MB: variants seen among roughly 807,000 people sequenced by gnomAD.
MB encodes nitrite reductase MB.
In MB, 10 loss-of-function variants were observed where a neutral mutation model predicts 14.5. The ratio of observed to expected loss-of-function variants is 0.69; its 90% confidence interval spans 0.43 to 1.17. The LOEUF is 1.17. Among genes scored for constraint, MB ranks in the 50% most tolerant of loss-of-function variants. The probability of loss-of-function intolerance (pLI) is 0.00; values close to 1 mark genes in which losing one functional copy is unlikely to be tolerated. For missense variants in MB, 169 were observed against 192.7 expected (o/e 0.88, Z 0.73); for synonymous variants, 89 against 78.6 (o/e 1.13, Z -0.70).
intron 1 of MB, among the ~76,000 whole-genome samples, chr22:35,612,607 G>A (rs1922723052): frequency 6.6e-6 from 1 of 152,056 alleles, no homozygotes; most frequent in Non-Finnish European, 1.5e-5. Context: ...CAGGCGCCCA[G>A]CCATATTAAC....
At chr22:35,612,400 T>C (rs1272790832) in intron 1 of MB, among the ~76,000 whole-genome samples, 4 of 152,170 alleles carry the variant, frequency 2.6e-5, no homozygotes, top group Non-Finnish European at 5.9e-5. Context: ...CATGGTTTTT[T>C]TGTTTTTTGT....
At chr22:35,614,819 C>T (rs760170701) in intron 1 of MB, among the ~76,000 whole-genome samples, 1 of 152,164 alleles carries the variant, frequency 6.6e-6, no homozygotes, top group Non-Finnish European at 1.5e-5. Context: ...GGTGGAGACT[C>T]TCAGGCCCAG....
upstream of MB, among the ~76,000 whole-genome samples, chr22:35,618,467 C>T (rs1923243256): frequency 6.6e-6 from 1 of 152,180 alleles, no homozygotes; most frequent in Admixed American, 6.5e-5. Flanking sequence ...AGGTATTCAA[C>T]CATCTATCCA....
At chr22:35,621,003 G>A (rs927754127), upstream of MB, among the ~76,000 whole-genome samples, 4 of 152,204 alleles carry the variant, frequency 2.6e-5, no homozygotes, top group Non-Finnish European at 4.4e-5. Flanking sequence ...GGAAGGCACC[G>A]ACATCTGTTT....
chr22:35,615,232 T>C (rs1210673137), intron 1 of MB, among the ~76,000 whole-genome samples: 1 of 152,132 alleles, frequency 6.6e-6, no homozygotes, highest in African/African-American at 2.4e-5. Context: ...CTCTCACGGG[T>C]GGCATTTGCA....
upstream of MB, among the ~76,000 whole-genome samples, chr22:35,618,459 G>T (rs949699266): frequency 2.0e-5 from 3 of 152,116 alleles, no homozygotes; most frequent in Non-Finnish European, 4.4e-5. Context: ...ATCCATTCAG[G>T]TATTCAACCA....
chr22:35,618,506 T>C (rs45492203), upstream of MB, among the ~76,000 whole-genome samples: 2,681 of 152,306 alleles, frequency 0.018, 34 homozygotes, highest in Non-Finnish European at 0.026. Flanking sequence ...CAGTTACTCA[T>C]CCATCCATCC....
chr22:35,616,725 A>C (rs550218003), intron 1 of MB, among the ~76,000 whole-genome samples: 16 of 152,288 alleles, frequency 1.1e-4, no homozygotes, highest in African/African-American at 3.8e-4. Context: ...CTAGAACCAG[A>C]TCTGTCTCCC....
At chr22:35,620,533 C>A (rs1923395707), upstream of MB, among the ~76,000 whole-genome samples, 1 of 152,228 alleles carries the variant, frequency 6.6e-6, no homozygotes, top group Non-Finnish European at 1.5e-5. Flanking sequence ...TTGACCCTTA[C>A]TGCTGGTCAC....
intron 2 of MB, among the ~76,000 whole-genome samples, chr22:35,610,555 C>T (rs1922528745): frequency 6.6e-6 from 1 of 152,252 alleles, no homozygotes; most frequent in South Asian, 2.1e-4. Flanking sequence ...CTCAGTTTCC[C>T]CATCTATCAA....
At chr22:35,616,380 A>G (rs1478198164) in intron 1 of MB, among the ~76,000 whole-genome samples, 1 of 152,212 alleles carries the variant, frequency 6.6e-6, no homozygotes, top group African/African-American at 2.4e-5. Flanking sequence ...AAGGCAGGAT[A>G]TACTTGCAGA....
At chr22:35,613,314 G>C (rs368914608) in intron 1 of MB, among the ~76,000 whole-genome samples, 6 of 152,296 alleles carry the variant, frequency 3.9e-5, no homozygotes, top group African/African-American at 9.6e-5. Flanking sequence ...AGAGAACATG[G>C]GACTGACAGT....
At position 35,607,144 on chromosome 22, in the gene MB, C is replaced by T. The variant is rs548862719; in HGVS notation, c.*153G>A. 1.8e-5 allele frequency: 16 copies of T among 871,998 alleles called. No individual in the cohort carries two copies. In the South Asian group the frequency reaches 2.8e-4, roughly 15 times the overall value. 54.0% of individuals were successfully genotyped at this position (871,998 alleles called of 1,614,324 possible). A position where few individuals can be genotyped will look rare whatever the true frequency, so the allele number is the denominator to read the frequency against. ...ATCGCTGGGCATGCAAAGCCAACTTCAACACCCCAGCCCCAGCCCCTCAGC... is the reference window on the plus strand; with the variant it reads ...ATCGCTGGGCATGCAAAGCCAACTTTAACACCCCAGCCCCAGCCCCTCAGC... On this transcript the variant is annotated 3_prime_UTR_variant, in exon 3 of 3. Transcript: ENST00000397326.
At chr22:35,607,585 G>C (rs1922251335) in intron 2 of MB, 142 bp from the exon 3 acceptor site, 1 of 707,056 alleles carries the variant, frequency 1.4e-6, no homozygotes, top group South Asian at 2.0e-5. Context: ...GAGTCTGTGT[G>C]ATCTCCACGG....
At chr22:35,610,753 C>A (rs1261330487) in intron 2 of MB, 131 bp downstream of exon 2, 2 of 697,370 alleles carry the variant, frequency 2.9e-6, no homozygotes, top group African/African-American at 3.6e-5. Context: ...AAATGAGAAA[C>A]CTGGGGCACA....
At chr22:35,613,926 C>T (rs1039955779) in intron 1 of MB, among the ~76,000 whole-genome samples, 1 of 152,250 alleles carries the variant, frequency 6.6e-6, no homozygotes, top group African/African-American at 2.4e-5. Context: ...CAGGCAGCCA[C>T]AGAAGGCCAT....
At chr22:35,618,738 A>G (rs1164250965), upstream of MB, among the ~76,000 whole-genome samples, 1 of 150,968 alleles carries the variant, frequency 6.6e-6, no homozygotes, top group Admixed American at 6.6e-5. Context: ...TCCTCCATCT[A>G]TCCATCTATC....
chr22:35,607,564 G>A, intron 2 of MB, 121 bp from the exon 3 acceptor site: 5 of 907,264 alleles, frequency 5.5e-6, no homozygotes, highest in Non-Finnish European at 8.4e-6. Flanking sequence ...CACTTGCTAG[G>A]CACCAGGTGA....
Position 35,607,351 on chromosome 22 carries a change from C to T in MB, c.411G>A (p.Glu137=). Residue 137 remains glutamate, a synonymous_variant, in exon 3 of 3, where the codon GAG becomes GAA. Transcript: ENST00000397326. ...TGGAGGCCATGTCCTTCCGGAACAG[C>T]TCCAGGGCCTTGTTCATGGCCCCCT... is the stretch of plus-strand genomic sequence containing the variant. ...DAQGAMNKAL[E]LFRKDMASNY... 2 of 1,614,224 alleles carry T rather than the reference C, an allele frequency of 1.2e-6. No individual in the cohort carries two copies. The highest frequency in any genetic ancestry group is 3.3e-4 in the Middle Eastern group (2 of 6,060).
Sources: gnomAD v4.1 joint callset for allele counts (sites outside exome capture counted in the v4.1 genomes callset) on GRCh38, gnomAD v4.1.1 for gene constraint, MANE v1.5 for transcripts, NCBI Gene and HGNC (gene_info 2026-07-23, HGNC 2026-07-21) for gene names.